The following GSTCD variants were observed in gnomAD, a reference collection of about 807,000 sequenced individuals.
GSTCD encodes the protein glutathione S-transferase C-terminal domain containing, also known as glutathione S-transferase C-terminal domain-containing protein.
GSTCD carries 44 observed loss-of-function variants against 68.3 expected under a neutral mutation model. That is an observed-to-expected ratio of 0.64 (90% CI 0.51 to 0.83). The LOEUF (loss-of-function observed/expected upper bound fraction) is 0.83, where lower values mean the gene tolerates loss of function less well. Ranked by LOEUF, GSTCD falls within the 40% of genes least tolerant of loss-of-function variation. The pLI, the probability that GSTCD is intolerant of heterozygous loss-of-function variation, is 0.00. For synonymous variants in GSTCD, 273 were observed against 255.2 expected (o/e 1.07, Z -0.67); for missense variants, 739 against 735.9 (o/e 1.00, Z -0.05).
At chr4:105,763,474 T>G (rs969549875) in intron 5 of GSTCD, among the ~76,000 whole-genome samples, 5 of 152,122 alleles carry the variant, frequency 3.3e-5, no homozygotes, top group Non-Finnish European at 7.4e-5. Flanking sequence ...TATAGAGAAA[T>G]TAGGTTATTT....
chr4:105,752,533 T>A (rs1734041818), intron 5 of GSTCD, among the ~76,000 whole-genome samples: 1 of 152,120 alleles, frequency 6.6e-6, no homozygotes. Context: ...TACAAATTTA[T>A]CTGAGGTTTA....
At chr4:105,764,786 A>G (rs1734544279) in intron 5 of GSTCD, among the ~76,000 whole-genome samples, 3 of 152,234 alleles carry the variant, frequency 2.0e-5, no homozygotes, top group Admixed American at 1.3e-4. Flanking sequence ...GTTCCTAACA[A>G]TTAGCATCAG....
chr4:105,823,318 T>C, intron 7 of GSTCD, 43 bp downstream of exon 7: 1 of 1,597,126 alleles, frequency 6.3e-7, no homozygotes, highest in Non-Finnish European at 8.6e-7. Flanking sequence ...TTTAAAATTA[T>C]ACAGTTCAGC....
chr4:105,748,882 C>A (rs1334763565), intron 5 of GSTCD, among the ~76,000 whole-genome samples: 1 of 151,738 alleles, frequency 6.6e-6, no homozygotes, highest in African/African-American at 2.4e-5. Context: ...TTTTACTGGG[C>A]AAAATTGTCC....
chr4:105,743,371 C>T (rs1733699560), intron 5 of GSTCD, among the ~76,000 whole-genome samples: 1 of 152,126 alleles, frequency 6.6e-6, no homozygotes, highest in Admixed American at 6.5e-5. Context: ...ACTCCTAGAG[C>T]TAGATACTCA....
intron 5 of GSTCD, among the ~76,000 whole-genome samples, chr4:105,777,703 T>TTC (rs1157675573): frequency 6.6e-6 from 1 of 152,200 alleles, no homozygotes; most frequent in Admixed American, 6.5e-5. Context: ...GTTACTTGCT[T>TTC]TCTCTAAGTC....
Position 105,728,337 on chromosome 4 carries a change from C to T in GSTCD, c.1147-1069C>T, listed in dbSNP as rs548883076. ...ATATAGTTGTGTTTTTTAAAAAGAC[C>T]CTAAAGTAAGAATGAGTTTAGTGAA... On this transcript the variant is annotated intron_variant, in intron 4 of 11. Transcript: ENST00000515279. Among the ~76,000 whole-genome samples the T allele has an allele frequency of 8.0e-5, 12 of 150,142 alleles. No homozygotes were observed. In the South Asian group the frequency reaches 2.5e-3, roughly 32 times the overall value.
chr4:105,817,624 T>A (rs888140849), intron 5 of GSTCD, among the ~76,000 whole-genome samples: 2 of 151,790 alleles, frequency 1.3e-5, no homozygotes, highest in South Asian at 4.1e-4. Context: ...TATTCTAGAT[T>A]TTTAGTGTTT....
Position 105,847,618 on chromosome 4 carries a change from T to C in GSTCD, c.*2041T>C, listed in dbSNP as rs1342078235. ...TTCCAGTCTGTGGCTTACCTACTTATTTTCATAATGAATGTTTTACTTGTG... is the reference window on the plus strand; with the variant it reads ...TTCCAGTCTGTGGCTTACCTACTTACTTTCATAATGAATGTTTTACTTGTG... On this transcript the variant is annotated 3_prime_UTR_variant, in exon 12 of 12. Coordinates refer to ENST00000515279, the MANE Select transcript of GSTCD (RefSeq NM_001370181.1). The C allele has an allele frequency of 6.6e-6, 1 of 152,220 alleles. No homozygotes were observed. Among genetic ancestry groups the C allele is most frequent in the Non-Finnish European group, 1.5e-5 (1 of 68,030 alleles). The allele number at this position is 152,220 out of a possible 1,614,324, so 9.4% of individuals were successfully genotyped here. A position where few individuals can be genotyped will look rare whatever the true frequency, so the allele number is the denominator to read the frequency against.
At chr4:105,811,047 A>G (rs1722726387) in intron 5 of GSTCD, among the ~76,000 whole-genome samples, 1 of 152,184 alleles carries the variant, frequency 6.6e-6, no homozygotes, top group African/African-American at 2.4e-5. Flanking sequence ...AATAGTCCCT[A>G]AAGATAATTA....
At chr4:105,758,274 A>G (rs1734269079) in intron 5 of GSTCD, among the ~76,000 whole-genome samples, 1 of 152,134 alleles carries the variant, frequency 6.6e-6, no homozygotes, top group African/African-American at 2.4e-5. Context: ...ACTTTTGGTT[A>G]TTCCCCGTGA....
At chr4:105,814,927 C>A (rs1050216974) in intron 5 of GSTCD, among the ~76,000 whole-genome samples, 39 of 152,172 alleles carry the variant, frequency 2.6e-4, no homozygotes, top group Admixed American at 6.5e-4. Flanking sequence ...TTTATACAGA[C>A]CCTGTGTAAC....
chr4:105,817,282 A>G (rs1292752824), intron 5 of GSTCD, among the ~76,000 whole-genome samples: 1 of 151,970 alleles, frequency 6.6e-6, no homozygotes, highest in Non-Finnish European at 1.5e-5. Context: ...TGAGAAAGAT[A>G]CTTATGAGAT....
chr4:105,841,050 T>TTA, intron 10 of GSTCD, among the ~76,000 whole-genome samples: 1 of 152,126 alleles, frequency 6.6e-6, no homozygotes, highest in South Asian at 2.1e-4. Flanking sequence ...GCACGGTACC[T>TTA]CATGCCTGTA....
intron 5 of GSTCD, among the ~76,000 whole-genome samples, chr4:105,751,485 AT>A (rs1401508234): frequency 6.6e-6 from 1 of 152,202 alleles, no homozygotes; most frequent in East Asian, 1.9e-4. Flanking sequence ...ACAGATAAAC[AT>A]TGACTTTCAC....
chr4:105,741,122 A>C (rs1560805289), intron 5 of GSTCD, among the ~76,000 whole-genome samples: 1 of 152,114 alleles, frequency 6.6e-6, no homozygotes, highest in South Asian at 2.1e-4. Flanking sequence ...TCTTTGAAGT[A>C]GTTGCCTTCC....
At chr4:105,808,394 T>C (rs1722607270) in intron 5 of GSTCD, among the ~76,000 whole-genome samples, 1 of 152,084 alleles carries the variant, frequency 6.6e-6, no homozygotes, top group African/African-American at 2.4e-5. Context: ...TTCTGTCAGC[T>C]CTGTTTTTAA....
chr4:105,844,407 T>G (rs896722237), intron 11 of GSTCD, among the ~76,000 whole-genome samples: 2 of 152,198 alleles, frequency 1.3e-5, no homozygotes, highest in Non-Finnish European at 2.9e-5. Context: ...TTAAGGAAAA[T>G]GTACAAAATA....
chr4:105,732,431 T>C (rs1281372235), intron 5 of GSTCD, among the ~76,000 whole-genome samples: 1 of 152,240 alleles, frequency 6.6e-6, no homozygotes, highest in Non-Finnish European at 1.5e-5. Context: ...AGGGTGTATG[T>C]GTCCAGTAAT....
Sources: allele counts gnomAD v4.1 joint callset (sites outside exome capture counted in the v4.1 genomes callset), GRCh38; gene constraint gnomAD v4.1.1; transcripts MANE v1.5; gene names NCBI Gene and HGNC (gene_info 2026-07-23, HGNC 2026-07-21).